The following PLEKHA8 variants were observed in gnomAD, a reference collection of about 807,000 sequenced individuals.
The protein encoded by PLEKHA8 is pleckstrin homology domain containing A8.
In PLEKHA8, 36 loss-of-function variants were observed where a neutral mutation model predicts 68.2. The observed-to-expected ratio is 0.53, with a 90% CI of 0.40 to 0.70. The LOEUF is 0.70. Ranked by LOEUF, PLEKHA8 falls within the 30% of genes least tolerant of loss-of-function variation. The pLI, the probability that PLEKHA8 is intolerant of heterozygous loss-of-function variation, is 0.00. For missense variants in PLEKHA8, 505 were observed against 615.4 expected (o/e 0.82, Z 1.90); for synonymous variants, 211 against 216.1 (o/e 0.98, Z 0.20).
chr7:30,040,783 A>C (rs1791471310), intron 1 of PLEKHA8, among the ~76,000 whole-genome samples: 1 of 152,176 alleles, frequency 6.6e-6, no homozygotes, highest in Non-Finnish European at 1.5e-5. Flanking sequence ...TGGCAATGAT[A>C]GCTAATACGA....
At chr7:30,095,395 G>A (rs909481192), downstream of PLEKHA8, among the ~76,000 whole-genome samples, 74 of 152,216 alleles carry the variant, frequency 4.9e-4, 1 homozygote, top group Middle Eastern at 3.4e-3. Context: ...TTGTAAATTT[G>A]TTTGAGTTCA....
chr7:30,092,472 T>C (rs980981619), downstream of PLEKHA8, among the ~76,000 whole-genome samples: 4 of 152,076 alleles, frequency 2.6e-5, no homozygotes, highest in Admixed American at 2.6e-4. Context: ...AATGTGGCAC[T>C]ACCATTTCCT....
chr7:30,114,478 C>G (rs1796366024), intron 13 of PLEKHA8, among the ~76,000 whole-genome samples: 1 of 152,212 alleles, frequency 6.6e-6, no homozygotes, highest in Non-Finnish European at 1.5e-5. Flanking sequence ...GCAACAGTGC[C>G]TCTCATGAGG....
chr7:30,055,846 G>A (rs1792803777), intron 9 of PLEKHA8, among the ~76,000 whole-genome samples: 1 of 151,974 alleles, frequency 6.6e-6, no homozygotes, highest in Non-Finnish European at 1.5e-5. Flanking sequence ...TTGTGGATAT[G>A]GGTTTCGTCA....
intron 12 of PLEKHA8, among the ~76,000 whole-genome samples, chr7:30,071,567 A>C (rs1794242130): frequency 6.6e-6 from 1 of 152,228 alleles, no homozygotes; most frequent in South Asian, 2.1e-4. Context: ...TGATTGTTAA[A>C]TGACTGGCTC....
At chr7:30,062,620 C>G (rs569496337) in intron 11 of PLEKHA8, 52 bp from the exon 12 acceptor site, 1 of 1,377,814 alleles carries the variant, frequency 7.3e-7, no homozygotes, top group South Asian at 1.2e-5. Context: ...TTTATACCCA[C>G]TCAACATAAG....
chr7:30,118,106 C>A, intron 13 of PLEKHA8: 2 of 1,263,960 alleles, frequency 1.6e-6, no homozygotes, highest in Non-Finnish European at 1.0e-6. Flanking sequence ...TCCAGGGGAT[C>A]AGCCTGGACT....
intron 5 of PLEKHA8, among the ~76,000 whole-genome samples, chr7:30,049,693 T>C (rs1271908054): frequency 6.6e-6 from 1 of 152,194 alleles, no homozygotes; most frequent in East Asian, 1.9e-4. Context: ...GTCAACCACA[T>C]TTCTATTAAT....
intron 13 of PLEKHA8, among the ~76,000 whole-genome samples, chr7:30,110,346 T>C (rs1753532140): frequency 6.6e-6 from 1 of 152,252 alleles, no homozygotes; most frequent in African/African-American, 2.4e-5. Context: ...TATTTATTAG[T>C]ACTTCGTTCC....
intron 1 of PLEKHA8, among the ~76,000 whole-genome samples, chr7:30,036,407 A>AATAGATAGATAG (rs55904639): frequency 6.5e-4 from 93 of 143,422 alleles, no homozygotes; most frequent in African/African-American, 1.0e-3. Flanking sequence ...GATAGGATAG[A>AATAGATAGATAG]ATAGATAGAT....
intron 13 of PLEKHA8, among the ~76,000 whole-genome samples, chr7:30,102,767 C>T (rs1044981778): frequency 6.6e-6 from 1 of 152,150 alleles, no homozygotes; most frequent in African/African-American, 2.4e-5. Context: ...CCAGAGGGCA[C>T]CCAGGTGTGG....
chr7:30,129,422 TC>T, exon 14 of PLEKHA8: 1 of 1,175,738 alleles, frequency 8.5e-7, no homozygotes. Flanking sequence ...ACTGCCCACC[TC>T]CAGATCTCAT....
intron 2 of PLEKHA8, among the ~76,000 whole-genome samples, chr7:30,045,576 A>G (rs1791890602): frequency 6.6e-6 from 1 of 152,086 alleles, no homozygotes; most frequent in East Asian, 1.9e-4. Flanking sequence ...ACCAAAACAA[A>G]ACAAGCAAAA....
intron 12 of PLEKHA8, among the ~76,000 whole-genome samples, chr7:30,073,601 C>CT: frequency 7.4e-6 from 1 of 135,534 alleles, no homozygotes; most frequent in Admixed American, 7.3e-5. Flanking sequence ...TCCATGTGAG[C>CT]TTTTTTACTG....
intron 1 of PLEKHA8, among the ~76,000 whole-genome samples, chr7:30,041,131 A>G (rs894484458): frequency 2.0e-5 from 3 of 152,234 alleles, no homozygotes; most frequent in African/African-American, 4.8e-5. Flanking sequence ...ACATTATGAA[A>G]GACCAGTGTG....
chr7:30,055,419 C>G, intron 9 of PLEKHA8, 77 bp downstream of exon 9: 1 of 1,267,866 alleles, frequency 7.9e-7, no homozygotes, highest in Admixed American at 1.7e-5. Flanking sequence ...AGGAGAAATA[C>G]CCCAAACTAT....
chr7:30,047,607 A>T (rs1442240051), intron 3 of PLEKHA8, among the ~76,000 whole-genome samples: 4 of 152,196 alleles, frequency 2.6e-5, no homozygotes, highest in African/African-American at 9.7e-5. Context: ...TTGCCTTAAT[A>T]AATAATGTAT....
At chr7:30,117,699 C>A (rs1426002292) in intron 13 of PLEKHA8, among the ~76,000 whole-genome samples, 3 of 151,994 alleles carry the variant, frequency 2.0e-5, no homozygotes, top group African/African-American at 7.3e-5. Context: ...CAGAGCAAGA[C>A]CCCCCTCCAG....
rs1792194305 is a variant in PLEKHA8 at position 30,049,093 on chromosome 7, T to C, written c.439-131T>C. On this transcript the variant is annotated intron_variant, in intron 4 of 13. Coordinates refer to ENST00000449726, the MANE Select transcript of PLEKHA8 (RefSeq NM_001197026.2). The stretch of plus-strand genomic sequence containing the variant: ...ATAGATAAATTGGGCTTTTCTTTTA[T>C]AACTGATGTACATATTTCAGCAGGT... 4 of 1,089,132 alleles carry C rather than the reference T, an allele frequency of 3.7e-6. No homozygotes were observed. In the Admixed American group the frequency reaches 8.3e-5, roughly 23 times the overall value. 67.5% of individuals were successfully genotyped at this position (1,089,132 alleles called of 1,614,324 possible).
Sources: gnomAD v4.1 joint callset for allele counts (sites outside exome capture counted in the v4.1 genomes callset) on GRCh38, gnomAD v4.1.1 for gene constraint, MANE v1.5 for transcripts, NCBI Gene and HGNC (gene_info 2026-07-23, HGNC 2026-07-21) for gene names.